AKAP19: variants seen among roughly 807,000 people sequenced by gnomAD.
AKAP19 encodes A-kinase anchoring protein 19.
the AKAP19 span, among the ~76,000 whole-genome samples, chr2:190,097,612 T>C: frequency 6.6e-5 from 10 of 152,262 alleles, 1 homozygote; most frequent in South Asian, 2.1e-3. Flanking sequence ...TGCTGCAACT[T>C]TGTCAATTAA....
the AKAP19 span, among the ~76,000 whole-genome samples, chr2:189,910,232 A>G: frequency 1.6e-3 from 239 of 152,250 alleles, no homozygotes; most frequent in Non-Finnish European, 2.6e-3. Context: ...GATAATTTAT[A>G]ACACCTACTT....
chr2:190,085,082 T>A, the AKAP19 span, among the ~76,000 whole-genome samples: 1 of 152,138 alleles, frequency 6.6e-6, no homozygotes, highest in Admixed American at 6.5e-5. Flanking sequence ...CACATGGCAT[T>A]ATTGGGAAGT....
At chr2:189,917,327 C>G in the AKAP19 span, 51 of 1,402,900 alleles carry the variant, frequency 3.6e-5, no homozygotes, top group African/African-American at 6.0e-4. Context: ...GACACTTGTC[C>G]GGTTGTTGAA....
chr2:190,187,091 C>T, the AKAP19 span, among the ~76,000 whole-genome samples: 13 of 152,040 alleles, frequency 8.6e-5, no homozygotes, highest in Non-Finnish European at 1.8e-4. Context: ...CTGCCCACCT[C>T]GAGTTATGTT....
At chr2:190,032,160 A>T in the AKAP19 span, among the ~76,000 whole-genome samples, 93,398 of 152,064 alleles carry the variant, frequency 0.61, 32,368 homozygotes, top group East Asian at 0.84. Context: ...AGGAGGTCTT[A>T]AAAAGTGCAC....
At chr2:190,022,108 T>C in the AKAP19 span, among the ~76,000 whole-genome samples, 6 of 152,248 alleles carry the variant, frequency 3.9e-5, no homozygotes, top group East Asian at 9.7e-4. Flanking sequence ...CATTAATTAA[T>C]CCATTCATGA....
At chr2:190,065,597 T>C in the AKAP19 span, among the ~76,000 whole-genome samples, 1 of 152,264 alleles carries the variant, frequency 6.6e-6, no homozygotes, top group South Asian at 2.1e-4. Context: ...ATGAACAATA[T>C]ATATTAAATA....
chr2:190,015,157 G>C, the AKAP19 span, among the ~76,000 whole-genome samples: 1 of 152,144 alleles, frequency 6.6e-6, no homozygotes, highest in Admixed American at 6.5e-5. Flanking sequence ...ACTCTCTGTG[G>C]GGGCTCCAAA....
At chr2:190,043,036 T>C in the AKAP19 span, among the ~76,000 whole-genome samples, 1 of 152,234 alleles carries the variant, frequency 6.6e-6, no homozygotes, top group Non-Finnish European at 1.5e-5. Flanking sequence ...CTCATCTGGC[T>C]TTTAGGGTTT....
the AKAP19 span, among the ~76,000 whole-genome samples, chr2:190,178,587 CCACCAG>C: frequency 9.2e-5 from 14 of 152,322 alleles, no homozygotes; most frequent in South Asian, 2.7e-3. This position sits in a 1 kb window ranked among gnomAD's most constrained non-coding sequence, Gnocchi z 6.3. Flanking sequence ...TGGGTCTCCC[CCACCAG>C]CTTGGCCAGC....
chr2:190,127,070 A>C, the AKAP19 span, among the ~76,000 whole-genome samples: 7 of 151,962 alleles, frequency 4.6e-5, no homozygotes. Context: ...CTGTTAAGGG[A>C]TATATAGCTG....
At chr2:190,170,693 CTT>C in the AKAP19 span, among the ~76,000 whole-genome samples, 1 of 151,872 alleles carries the variant, frequency 6.6e-6, no homozygotes, top group South Asian at 2.1e-4. Flanking sequence ...TCCTATGAAG[CTT>C]TTTTTTAATG....
the AKAP19 span, among the ~76,000 whole-genome samples, chr2:189,985,292 C>A: frequency 1.3e-5 from 2 of 152,020 alleles, no homozygotes; most frequent in African/African-American, 4.8e-5. Flanking sequence ...GCTTTTTTTT[C>A]TGAGGAGAAC....
chr2:190,064,810 G>T, the AKAP19 span, among the ~76,000 whole-genome samples: 1 of 152,218 alleles, frequency 6.6e-6, no homozygotes, highest in Admixed American at 6.5e-5. Context: ...AGGCAGCCAG[G>T]TTACAAGACA....
chr2:190,110,191 G>A, the AKAP19 span, among the ~76,000 whole-genome samples: 16 of 152,170 alleles, frequency 1.1e-4, no homozygotes, highest in Non-Finnish European at 1.9e-4. Context: ...GAAACATGCT[G>A]CTTCGTAAGT....
At chr2:189,900,976 T>C in the AKAP19 span, among the ~76,000 whole-genome samples, 1 of 152,150 alleles carries the variant, frequency 6.6e-6, no homozygotes, top group Non-Finnish European at 1.5e-5. Context: ...AATGGTCTGG[T>C]GATAAGTCAG....
the AKAP19 span, among the ~76,000 whole-genome samples, chr2:190,182,904 T>TAC: frequency 6.6e-6 from 1 of 152,384 alleles, no homozygotes; most frequent in African/African-American, 2.4e-5. Context: ...TGGCTTGTAT[T>TAC]ACTTAAAGCC....
At chr2:190,202,871 G>A in the AKAP19 span, 78 of 167,060 alleles carry the variant, frequency 4.7e-4, no homozygotes, top group Non-Finnish European at 7.5e-4. Context: ...GCCTTCCCCA[G>A]TTGTCGCTTA....
At chr2:190,115,256 G>T in the AKAP19 span, among the ~76,000 whole-genome samples, 2 of 46,848 alleles carry the variant, frequency 4.3e-5, no homozygotes, top group Non-Finnish European at 3.7e-5. Context: ...GACAAGGCAA[G>T]AAGCATATAT....
Sources: allele counts gnomAD v4.1 joint callset (sites outside exome capture counted in the v4.1 genomes callset), GRCh38; gene constraint gnomAD v4.1.1; non-coding constraint Gnocchi (gnomAD v3.1); transcripts MANE v1.5; gene names NCBI Gene and HGNC (gene_info 2026-07-23, HGNC 2026-07-21).